The following SAMD8 variants were observed in gnomAD, a reference collection of about 807,000 sequenced individuals.
SAMD8 encodes the protein sterile alpha motif domain containing 8.
In SAMD8, 20 loss-of-function variants were observed where a neutral mutation model predicts 42.0. The ratio of observed to expected loss-of-function variants is 0.48; its 90% CI spans 0.34 to 0.69. SAMD8 has a LOEUF of 0.69. SAMD8 is among the 30% of genes least tolerant of loss of function. The pLI, the probability that SAMD8 is intolerant of heterozygous loss-of-function variation, is 0.01. For missense variants in SAMD8, 328 were observed against 511.6 expected (o/e 0.64, Z 3.46); for synonymous variants, 162 against 173.0 (o/e 0.94, Z 0.50).
chr10:75,111,945 C>T (rs904782251), intron 1 of SAMD8, among the ~76,000 whole-genome samples: 5 of 151,944 alleles, frequency 3.3e-5, no homozygotes, highest in African/African-American at 1.2e-4. Flanking sequence ...AAGTGGAGGC[C>T]GAGGAACGAG....
intron 1 of SAMD8, among the ~76,000 whole-genome samples, chr10:75,137,552 AAG>A (rs1311419622): frequency 1.3e-5 from 2 of 152,220 alleles, no homozygotes; most frequent in East Asian, 1.9e-4. Context: ...AAAAAAAAAA[AAG>A]AAAGAAAATT....
intron 4 of SAMD8, 117 bp from the exon 5 acceptor site, chr10:75,175,949 T>G: frequency 6.6e-7 from 1 of 1,506,432 alleles, no homozygotes; most frequent in East Asian, 2.3e-5. Context: ...GCCTAGATGC[T>G]TTGGCTTAGA....
At chr10:75,172,363 G>A (rs11001314) in intron 4 of SAMD8, among the ~76,000 whole-genome samples, 28,692 of 151,740 alleles carry the variant, frequency 0.19, 2,975 homozygotes, top group East Asian at 0.26. Flanking sequence ...ACAGATTCTC[G>A]CTTTGTCACC....
chr10:75,143,966 CTTTT>C (rs536028273), intron 1 of SAMD8, among the ~76,000 whole-genome samples: 5 of 135,004 alleles, frequency 3.7e-5, no homozygotes, highest in Non-Finnish European at 8.1e-5. Context: ...ATAATTTAAA[CTTTT>C]TTTTTTTTTT....
At chr10:75,144,841 T>G (rs1415328096) in intron 1 of SAMD8, among the ~76,000 whole-genome samples, 1 of 152,148 alleles carries the variant, frequency 6.6e-6, no homozygotes, top group Non-Finnish European at 1.5e-5. Context: ...AAATTATTTA[T>G]AGAGACGAGG....
At chr10:75,112,917 C>T (rs1241062503) in intron 1 of SAMD8, among the ~76,000 whole-genome samples, 1 of 152,200 alleles carries the variant, frequency 6.6e-6, no homozygotes, top group Non-Finnish European at 1.5e-5. Context: ...AGTGAACTTG[C>T]CACAGTCTAG....
At chr10:75,128,080 T>G (rs1849186568) in intron 1 of SAMD8, among the ~76,000 whole-genome samples, 1 of 148,048 alleles carries the variant, frequency 6.8e-6, no homozygotes, top group East Asian at 1.9e-4. Flanking sequence ...TTAATTTTTT[T>G]TTTTTTTTTT....
intron 1 of SAMD8, among the ~76,000 whole-genome samples, chr10:75,115,067 T>G (rs1255676100): frequency 6.6e-6 from 1 of 152,208 alleles, no homozygotes; most frequent in Non-Finnish European, 1.5e-5. Context: ...GATTAAATGT[T>G]TTACTTATTT....
At chr10:75,161,614 T>C (rs1289443025) in intron 2 of SAMD8, among the ~76,000 whole-genome samples, 9 of 151,934 alleles carry the variant, frequency 5.9e-5, no homozygotes, top group African/African-American at 2.2e-4. Context: ...AAAAAAACTT[T>C]CGTGTTTTCA....
At chr10:75,115,930 G>A (rs1324346852) in intron 1 of SAMD8, among the ~76,000 whole-genome samples, 4 of 130,016 alleles carry the variant, frequency 3.1e-5, no homozygotes, top group Non-Finnish European at 4.7e-5. Context: ...AACAGAGCGA[G>A]ACTCCGTCTC....
chr10:75,108,351 A>G (rs1848647187), upstream of SAMD8: 5 of 1,413,938 alleles, frequency 3.5e-6, no homozygotes, highest in Non-Finnish European at 4.6e-6. Flanking sequence ...GTGGGGTCTG[A>G]CTCCACAGCC....
upstream of SAMD8, chr10:75,111,537 G>A (rs1050617756): frequency 3.2e-6 from 4 of 1,233,558 alleles, no homozygotes; most frequent in Non-Finnish European, 4.0e-6. Flanking sequence ...GGCGGTGACG[G>A]CGGCCGGGAC....
chr10:75,151,119 T>C lies in SAMD8; in HGVS notation c.578+13T>C. On this transcript the variant is annotated intron_variant, in intron 2 of 5. Transcript: ENST00000542569. Reference sequence around the variant, plus strand: ...TATTCTTAGACAGGTAAGTTTTGTTTCTAGTTGCTAAGTTTGTAGGATGTT... The same window carrying C: ...TATTCTTAGACAGGTAAGTTTTGTTCCTAGTTGCTAAGTTTGTAGGATGTT... 1.4e-6 allele frequency: 2 copies of C among 1,412,154 alleles called. No individual in the cohort carries two copies. The highest frequency in any genetic ancestry group is 1.9e-6 in the Non-Finnish European group (2 of 1,060,096). 87.5% of individuals were successfully genotyped at this position (1,412,154 alleles called of 1,614,324 possible).
chr10:75,145,078 G>A (rs932021610), intron 1 of SAMD8, among the ~76,000 whole-genome samples: 1 of 152,110 alleles, frequency 6.6e-6, no homozygotes, highest in Non-Finnish European at 1.5e-5. Flanking sequence ...TTGGAGTTGC[G>A]TTAGTCTTTT....
At chr10:75,104,128 C>T in intron 1 of SAMD8, 1 of 1,310,072 alleles carries the variant, frequency 7.6e-7, no homozygotes, top group Non-Finnish European at 1.0e-6. Flanking sequence ...GTGTTACAGG[C>T]AGGTGAACCA....
At chr10:75,174,739 T>A (rs1466958355) in intron 4 of SAMD8, among the ~76,000 whole-genome samples, 1 of 143,366 alleles carries the variant, frequency 7.0e-6, no homozygotes, top group East Asian at 2.0e-4. Context: ...TGCAGTATGC[T>A]TTTTTTTTTT....
intron 1 of SAMD8, among the ~76,000 whole-genome samples, chr10:75,100,129 CA>C (rs1848059254): frequency 1.3e-5 from 2 of 152,098 alleles, no homozygotes; most frequent in South Asian, 4.1e-4. Context: ...CCCTGGTGGC[CA>C]ATGGGTGTGT....
intron 2 of SAMD8, among the ~76,000 whole-genome samples, chr10:75,157,930 C>T (rs562335742): frequency 3.9e-5 from 6 of 152,134 alleles, no homozygotes; most frequent in East Asian, 3.9e-4. Flanking sequence ...GAGGCTGAGG[C>T]GGGCAGATCA....
chr10:75,175,954 C>T, intron 4 of SAMD8, 112 bp from the exon 5 acceptor site: 2 of 1,516,788 alleles, frequency 1.3e-6, no homozygotes, highest in Non-Finnish European at 1.8e-6. Flanking sequence ...GATGCTTTGG[C>T]TTAGATCTTA....
Sources: allele counts gnomAD v4.1 joint callset (sites outside exome capture counted in the v4.1 genomes callset), GRCh38; gene constraint gnomAD v4.1.1; transcripts MANE v1.5; gene names NCBI Gene and HGNC (gene_info 2026-07-23, HGNC 2026-07-21).